The following DLG2 variants were observed in gnomAD, a reference collection of about 807,000 sequenced individuals.
DLG2 encodes discs large MAGUK scaffold protein 2.
In DLG2, 45 loss-of-function variants were observed where a neutral mutation model predicts 132.5. The observed-to-expected ratio is 0.34, with a 90% CI of 0.27 to 0.44. The LOEUF (loss-of-function observed/expected upper bound fraction) is 0.44. Among genes scored for constraint, DLG2 ranks in the 20% least tolerant of loss-of-function variants. The pLI, the probability that DLG2 is intolerant of heterozygous loss-of-function variation, is 1.00. For synonymous variants in DLG2, 424 were observed against 419.6 expected (o/e 1.01, Z -0.13); for missense variants, 1,045 against 1,196.9 (o/e 0.87, Z 1.87).
At chr11:84,606,200 T>C (rs2099585281) in intron 6 of DLG2, among the ~76,000 whole-genome samples, 1 of 152,126 alleles carries the variant, frequency 6.6e-6, no homozygotes, top group Non-Finnish European at 1.5e-5. Context: ...ACATTTAACA[T>C]TTTCAACAGG....
chr11:84,837,723 C>T (rs896968356), intron 6 of DLG2, among the ~76,000 whole-genome samples: 1 of 151,654 alleles, frequency 6.6e-6, no homozygotes, highest in Non-Finnish European at 1.5e-5. Context: ...CAAGGGAGCC[C>T]CAATATTACA....
intron 18 of DLG2, among the ~76,000 whole-genome samples, chr11:83,695,523 A>G (rs1159348482): frequency 6.6e-6 from 1 of 152,104 alleles, no homozygotes; most frequent in Admixed American, 6.5e-5. Flanking sequence ...TGGGTGGATC[A>G]CCTGACGTCA....
intron 3 of DLG2, among the ~76,000 whole-genome samples, chr11:85,492,732 G>T (rs569837378): frequency 5.5e-4 from 80 of 145,710 alleles, no homozygotes; most frequent in Non-Finnish European, 2.9e-5. Flanking sequence ...TAGGTTACAT[G>T]GCACACTAAA....
At chr11:85,377,784 C>CATATATATATAT (rs35941912) in intron 3 of DLG2, among the ~76,000 whole-genome samples, 41 of 130,282 alleles carry the variant, frequency 3.1e-4, no homozygotes, top group African/African-American at 7.3e-4. Context: ...TGTGTGTATA[C>CATATATATATAT]ATATATATAT....
At chr11:84,453,502 A>G (rs1270118944) in intron 7 of DLG2, among the ~76,000 whole-genome samples, 2 of 151,590 alleles carry the variant, frequency 1.3e-5, no homozygotes, top group East Asian at 3.9e-4. Context: ...AGACCAGGTA[A>G]GGCCCAAAAG....
intron 18 of DLG2, among the ~76,000 whole-genome samples, chr11:83,770,255 GT>G (rs143065797): frequency 1.8e-5 from 2 of 109,918 alleles, no homozygotes; most frequent in Admixed American, 8.3e-5. Context: ...GGTGTCTGGT[GT>G]TTTTTTTTGT....
intron 18 of DLG2, among the ~76,000 whole-genome samples, chr11:83,761,713 T>C (rs1403134904): frequency 6.6e-6 from 1 of 152,126 alleles, no homozygotes; most frequent in Non-Finnish European, 1.5e-5. Flanking sequence ...CTTCCCCCTA[T>C]TGGATCACCC....
chr11:84,591,339 T>A (rs1267994959), intron 6 of DLG2, among the ~76,000 whole-genome samples: 5 of 151,362 alleles, frequency 3.3e-5, no homozygotes, highest in African/African-American at 1.2e-4. Context: ...TTTTGTTTGT[T>A]TGTTTGTTTG....
At chr11:84,203,399 A>G (rs770272926) in intron 8 of DLG2, among the ~76,000 whole-genome samples, 11 of 151,928 alleles carry the variant, frequency 7.2e-5, no homozygotes, top group Non-Finnish European at 1.3e-4. Flanking sequence ...TGGCTAACAC[A>G]GTGAAACCCC....
chr11:84,454,917 T>C (rs1182406967), intron 7 of DLG2, among the ~76,000 whole-genome samples: 2 of 151,394 alleles, frequency 1.3e-5, no homozygotes, highest in African/African-American at 4.8e-5. Context: ...GTGGTGATGA[T>C]TTTACAGGTG....
At chr11:85,021,717 T>A (rs1158484415) in intron 6 of DLG2, 2 of 792,696 alleles carry the variant, frequency 2.5e-6, no homozygotes, top group Non-Finnish European at 4.2e-6. Context: ...AAAAATCCCA[T>A]AGGAGTGAGG....
At chr11:83,543,474 G>A (rs189846142) in intron 19 of DLG2, among the ~76,000 whole-genome samples, 11 of 152,224 alleles carry the variant, frequency 7.2e-5, no homozygotes, top group Admixed American at 5.9e-4. Flanking sequence ...TTACAGTGTG[G>A]TTATGAATAT....
At chr11:83,886,426 A>G (rs1369111014) in intron 15 of DLG2, among the ~76,000 whole-genome samples, 1 of 152,236 alleles carries the variant, frequency 6.6e-6, no homozygotes, top group African/African-American at 2.4e-5. Context: ...CACCCAATAC[A>G]TGAGCACCCA....
At chr11:84,252,431 C>T (rs2097398034) in intron 7 of DLG2, among the ~76,000 whole-genome samples, 1 of 151,856 alleles carries the variant, frequency 6.6e-6, no homozygotes, top group African/African-American at 2.4e-5. Flanking sequence ...ACAAGCATGC[C>T]CTGCCATATT....
intron 6 of DLG2, among the ~76,000 whole-genome samples, chr11:84,572,852 T>A (rs558583650): frequency 3.9e-5 from 6 of 152,204 alleles, no homozygotes; most frequent in Non-Finnish European, 8.8e-5. Context: ...ATGTGCAGCA[T>A]CCATCTGGGT....
chr11:85,472,461 A>G (rs935826558), intron 3 of DLG2, among the ~76,000 whole-genome samples: 3 of 151,948 alleles, frequency 2.0e-5, no homozygotes, highest in Admixed American at 2.0e-4. Flanking sequence ...CACCAAGCCC[A>G]GCTAATTTTT....
chr11:84,575,910 A>C (rs1367719189), intron 6 of DLG2, among the ~76,000 whole-genome samples: 1 of 152,192 alleles, frequency 6.6e-6, no homozygotes, highest in African/African-American at 2.4e-5. Flanking sequence ...AAAAAACTAC[A>C]TCCCAGTGCT....
chr11:84,629,660 T>C (rs544829450), intron 6 of DLG2, among the ~76,000 whole-genome samples: 1 of 152,330 alleles, frequency 6.6e-6, no homozygotes, highest in Non-Finnish European at 1.5e-5. Context: ...CTGGCCCATC[T>C]TATTCATTTG....
chr11:84,069,365 C>T (rs544629487), intron 10 of DLG2, among the ~76,000 whole-genome samples: 1 of 152,178 alleles, frequency 6.6e-6, no homozygotes, highest in African/African-American at 2.4e-5. Context: ...CTATTTGCAG[C>T]TTTTCATTAT....
Sources: allele counts gnomAD v4.1 joint callset (sites outside exome capture counted in the v4.1 genomes callset), GRCh38; gene constraint gnomAD v4.1.1; transcripts MANE v1.5; gene names NCBI Gene and HGNC (gene_info 2026-07-23, HGNC 2026-07-21).